ZFPM2: variants seen among roughly 807,000 people sequenced by gnomAD.
The protein encoded by ZFPM2 is zinc finger protein ZFPM2.
A neutral mutation model predicts 98.6 loss-of-function variants in ZFPM2; 20 were observed. The ratio of observed to expected loss-of-function variants is 0.20; its 90% CI spans 0.14 to 0.29. The LOEUF (loss-of-function observed/expected upper bound fraction) is 0.29. Ranked by LOEUF, ZFPM2 falls within the 10% of genes least tolerant of loss-of-function variation. The probability of loss-of-function intolerance (pLI) is 1.00; values close to 1 mark genes in which losing one functional copy is unlikely to be tolerated. For missense variants in ZFPM2, 1,310 were observed against 1,388.6 expected (o/e 0.94, Z 0.90); for synonymous variants, 518 against 502.7 (o/e 1.03, Z -0.41).
chr8:105,549,651 T>G (rs1207397041), intron 3 of ZFPM2, among the ~76,000 whole-genome samples: 1 of 150,952 alleles, frequency 6.6e-6, no homozygotes, highest in Admixed American at 6.6e-5. Flanking sequence ...TCACTCTGTT[T>G]TCCAGAGTGA....
intron 3 of ZFPM2, among the ~76,000 whole-genome samples, chr8:105,467,701 C>A (rs1812819727): frequency 6.6e-6 from 1 of 151,936 alleles, no homozygotes; most frequent in African/African-American, 2.4e-5. Context: ...TAGGCTGAGT[C>A]TTTGAAGAAA....
At chr8:105,419,700 G>A (rs1811754851) in intron 2 of ZFPM2, among the ~76,000 whole-genome samples, 1 of 152,094 alleles carries the variant, frequency 6.6e-6, no homozygotes, top group Non-Finnish European at 1.5e-5. Context: ...TCTCAACTAA[G>A]GTTCCATCTC....
chr8:105,469,034 A>G (rs1812847490), intron 3 of ZFPM2, among the ~76,000 whole-genome samples: 1 of 151,708 alleles, frequency 6.6e-6, no homozygotes, highest in Non-Finnish European at 1.5e-5. Context: ...CTTGTCCCAT[A>G]GGGGGAAAAG....
At chr8:105,418,054 A>C (rs902153396) in intron 1 of ZFPM2, among the ~76,000 whole-genome samples, 5 of 152,118 alleles carry the variant, frequency 3.3e-5, no homozygotes, top group Admixed American at 3.3e-4. Flanking sequence ...ATTCTTATTT[A>C]TCTACATATA....
intron 2 of ZFPM2, among the ~76,000 whole-genome samples, chr8:105,421,560 T>C (rs1162309784): frequency 6.6e-6 from 1 of 152,176 alleles, no homozygotes; most frequent in African/African-American, 2.4e-5. Flanking sequence ...GACAACTCTT[T>C]GATAGATTTT....
intron 3 of ZFPM2, among the ~76,000 whole-genome samples, chr8:105,462,258 G>C (rs1441065394): frequency 1.3e-5 from 2 of 151,974 alleles, no homozygotes; most frequent in African/African-American, 2.4e-5. Flanking sequence ...TGGTTCTCCA[G>C]GCTCCAGAGC....
chr8:105,549,948 T>TATG lies in ZFPM2; in HGVS notation c.302-11414_302-11412dup, dbSNP rs1554616237. 7.3e-5 allele frequency among the ~76,000 whole-genome samples: 11 copies of TATG among 151,538 alleles called. No homozygotes were observed. The East Asian group carries it at 2.0e-3, about 27-fold the overall frequency. The stretch of plus-strand genomic sequence containing the variant: ...CATTTCTTAGGCTAGTAATGCATAA[T>TATG]ATGTCATTTAGTGCTTATTCTTCAG... On this transcript the variant is annotated intron_variant, in intron 3 of 7. Coordinates refer to ENST00000407775, the MANE Select transcript of ZFPM2 (RefSeq NM_012082.4).
intron 5 of ZFPM2, among the ~76,000 whole-genome samples, chr8:105,656,183 C>T (rs1228787456): frequency 1.3e-5 from 2 of 152,056 alleles, no homozygotes; most frequent in African/African-American, 4.8e-5. Context: ...ACACATATCC[C>T]TCTTTGCCTC....
chr8:105,669,361 A>G (rs1295319350), intron 5 of ZFPM2, among the ~76,000 whole-genome samples: 6 of 151,484 alleles, frequency 4.0e-5, no homozygotes, highest in African/African-American at 1.5e-4. Context: ...GCGCTCACCT[A>G]CTTTCGCATT....
At chr8:105,589,684 A>C (rs1815800705) in intron 4 of ZFPM2, among the ~76,000 whole-genome samples, 1 of 152,050 alleles carries the variant, frequency 6.6e-6, no homozygotes, top group Admixed American at 6.6e-5. Flanking sequence ...CCACTGTGCC[A>C]GTCATATTCT....
At chr8:105,643,757 C>T (rs1375973104) in intron 5 of ZFPM2, among the ~76,000 whole-genome samples, 3 of 152,104 alleles carry the variant, frequency 2.0e-5, no homozygotes, top group African/African-American at 7.2e-5. Flanking sequence ...TTCTGACACC[C>T]CAAATATTTA....
chr8:105,336,467 T>C (rs774446594), intron 1 of ZFPM2, among the ~76,000 whole-genome samples: 1 of 151,760 alleles, frequency 6.6e-6, no homozygotes, highest in Non-Finnish European at 1.5e-5. Flanking sequence ...CATGTTTTAA[T>C]TGACAAATAT....
At chr8:105,707,227 G>A (rs1811283895) in intron 5 of ZFPM2, among the ~76,000 whole-genome samples, 2 of 140,726 alleles carry the variant, frequency 1.4e-5, no homozygotes, top group Non-Finnish European at 3.0e-5. Context: ...GGGCAACAGA[G>A]CAAGACTTTG....
At chr8:105,792,374 T>G (rs1230208039) in intron 6 of ZFPM2, among the ~76,000 whole-genome samples, 2 of 152,222 alleles carry the variant, frequency 1.3e-5, no homozygotes, top group African/African-American at 4.8e-5. Context: ...GAGCAGGTTG[T>G]TCAGTTTCCA....
intron 3 of ZFPM2, among the ~76,000 whole-genome samples, chr8:105,459,242 C>A (rs936248195): frequency 2.6e-5 from 4 of 152,068 alleles, no homozygotes; most frequent in African/African-American, 9.7e-5. Context: ...TTTTATGTTG[C>A]CCCAGCTGAG....
intron 1 of ZFPM2, among the ~76,000 whole-genome samples, chr8:105,369,739 G>A (rs1306970482): frequency 6.6e-6 from 1 of 152,118 alleles, no homozygotes; most frequent in African/African-American, 2.4e-5. Context: ...TTTCTATCCA[G>A]TAGGCCAAGA....
At chr8:105,524,222 C>T (rs1278131636) in intron 3 of ZFPM2, among the ~76,000 whole-genome samples, 4 of 152,112 alleles carry the variant, frequency 2.6e-5, no homozygotes, top group African/African-American at 7.2e-5. Context: ...AAAGTATAAT[C>T]TTTTCTGGAC....
intron 5 of ZFPM2, among the ~76,000 whole-genome samples, chr8:105,687,624 T>C (rs1193113832): frequency 6.6e-6 from 1 of 152,138 alleles, no homozygotes; most frequent in Non-Finnish European, 1.5e-5. Flanking sequence ...AAACCTGACA[T>C]AATATTTGGA....
chr8:105,434,279 G>T (rs1812078365), intron 2 of ZFPM2, among the ~76,000 whole-genome samples: 1 of 151,802 alleles, frequency 6.6e-6, no homozygotes, highest in Non-Finnish European at 1.5e-5. Flanking sequence ...CTATAATTTG[G>T]TAACATAGAG....
Sources: allele counts gnomAD v4.1 joint callset (sites outside exome capture counted in the v4.1 genomes callset), GRCh38; gene constraint gnomAD v4.1.1; transcripts MANE v1.5; gene names NCBI Gene and HGNC (gene_info 2026-07-23, HGNC 2026-07-21).